The following ALK variants were observed in gnomAD, a reference collection of about 807,000 sequenced individuals.
ALK encodes ALK receptor tyrosine kinase.
Under a neutral mutation model 163.1 loss-of-function variants are expected in ALK, and 74 were observed. That is an observed-to-expected ratio of 0.45 (90% CI 0.38 to 0.55). The LOEUF is 0.55. ALK is among the 20% of genes least tolerant of loss of function. The pLI is 0.00. For synonymous variants in ALK, 960 were observed against 843.2 expected, an observed-to-expected ratio of 1.14 and a Z score of -2.40; for missense variants, 2,063 against 2,105.3, an observed-to-expected ratio of 0.98 and a Z score of 0.39.
Position 29,525,109 on chromosome 2 carries a change from T to C in ALK, c.1154+6806A>G, listed in dbSNP as rs1672922713. ...GTCCTTCTAGAGACAGAATAACAGATGTGTCAGGAGTATATCCACCTGTGG... is the reference window on the plus strand; with the variant it reads ...GTCCTTCTAGAGACAGAATAACAGACGTGTCAGGAGTATATCCACCTGTGG... On this transcript the variant is annotated intron_variant, in intron 4 of 28. Transcript: ENST00000389048. Among the ~76,000 whole-genome samples, 3 of 152,322 alleles carry C rather than the reference T, an allele frequency of 2.0e-5. No individual in the cohort carries two copies. In the South Asian group the frequency reaches 6.2e-4, roughly 32 times the overall value.
At chr2:29,501,450 T>G (rs1348776717) in intron 4 of ALK, among the ~76,000 whole-genome samples, 1 of 152,214 alleles carries the variant, frequency 6.6e-6, no homozygotes, top group South Asian at 2.1e-4. Context: ...TTCCATGTCC[T>G]TACTGGTTTG....
chr2:29,512,042 T>TGA (rs750214267), intron 4 of ALK, among the ~76,000 whole-genome samples: 144,093 of 152,062 alleles, frequency 0.95, 68,759 homozygotes, highest in East Asian at 1. Flanking sequence ...TTTGAATATT[T>TGA]AAAAGTTTTA....
In ALK at chr2:29,528,889, C is replaced by T. The variant is rs532635856; in HGVS notation, c.1154+3026G>A. Among the ~76,000 whole-genome samples the T allele has an allele frequency of 2.0e-5, 3 of 152,306 alleles. 1 individual carries two copies. The South Asian group carries it at 6.2e-4, about 32-fold the overall frequency. On this transcript the variant is annotated intron_variant, in intron 4 of 28. Transcript: ENST00000389048. Reference sequence around the variant, plus strand: ...TAGCCCCTATTTCTCTGCTTCCTTGCTTCTCTGGTCATTCTGGCCATGCAG... The same window carrying T: ...TAGCCCCTATTTCTCTGCTTCCTTGTTTCTCTGGTCATTCTGGCCATGCAG...
chr2:29,472,822 A>G (rs4368287), intron 4 of ALK, among the ~76,000 whole-genome samples: 10,732 of 152,080 alleles, frequency 0.071, 525 homozygotes, highest in Non-Finnish European at 0.11. Context: ...TGGCAAGAAT[A>G]CAAAGAAAAC....
intron 3 of ALK, among the ~76,000 whole-genome samples, chr2:29,670,827 T>C (rs966439950): frequency 6.6e-6 from 1 of 152,114 alleles, no homozygotes; most frequent in African/African-American, 2.4e-5. Context: ...TATTTCTCAG[T>C]TCTAAGGTTT....
intron 4 of ALK, among the ~76,000 whole-genome samples, chr2:29,396,835 G>GGTTTTTT (rs1669318427): frequency 2.8e-5 from 1 of 35,726 alleles, no homozygotes; most frequent in Non-Finnish European, 5.5e-5. Context: ...TTGTTACTAT[G>GGTTTTTT]GTTTTTTTTT....
chr2:29,583,235 C>T (rs1359388480), intron 3 of ALK, among the ~76,000 whole-genome samples: 1 of 152,108 alleles, frequency 6.6e-6, no homozygotes, highest in Non-Finnish European at 1.5e-5. Context: ...TTTGCTTCTG[C>T]TGTTATTTAC....
intron 5 of ALK, among the ~76,000 whole-genome samples, chr2:29,371,215 T>C (rs1364320875): frequency 2.6e-5 from 4 of 152,206 alleles, no homozygotes; most frequent in Non-Finnish European, 5.9e-5. Flanking sequence ...AAGGGCAAAA[T>C]AAAGTTCCAC....
chr2:29,736,107 T>C (rs555818204), intron 1 of ALK, among the ~76,000 whole-genome samples: 1 of 152,222 alleles, frequency 6.6e-6, no homozygotes, highest in Admixed American at 6.5e-5. Context: ...ATGATCAAAC[T>C]CTATATATGT....
chr2:29,712,839 TTTG>T (rs769736451), intron 2 of ALK, among the ~76,000 whole-genome samples: 2 of 152,182 alleles, frequency 1.3e-5, no homozygotes, highest in East Asian at 3.8e-4. Flanking sequence ...TAACAATTAT[TTTG>T]TTGTGCTTAG....
intron 1 of ALK, among the ~76,000 whole-genome samples, chr2:29,750,689 AAGGAAGGAAGGCAGGCAGGC>A (rs1680336629): frequency 8.6e-6 from 1 of 116,922 alleles, no homozygotes; most frequent in East Asian, 2.4e-4. Context: ...GGAAGGAAGG[AAGGAAGGAAGGCAGGCAGGC>A]AGGAAGGAAG....
In ALK at chr2:29,477,557, A is replaced by G. The variant is rs182335539; in HGVS notation, c.1154+54358T>C. Among the ~76,000 whole-genome samples, 476 of 152,058 alleles carry G rather than the reference A, an allele frequency of 3.1e-3. 2 individuals are homozygous for G. The highest frequency in any genetic ancestry group is 4.9e-3 in the Non-Finnish European group (333 of 67,970). On this transcript the variant is annotated intron_variant, in intron 4 of 28. Coordinates refer to ENST00000389048, the MANE Select transcript of ALK (RefSeq NM_004304.5). ...CAGAGGTGCTATATGATTCTTTATA[A>G]CCCAGAGTTGGTCCCAGATTTTAAA...
chr2:29,408,248 A>ATT (rs538076266), intron 4 of ALK, among the ~76,000 whole-genome samples: 459 of 141,082 alleles, frequency 3.3e-3, no homozygotes, highest in African/African-American at 0.011. Context: ...ACACCTGGCT[A>ATT]TTTTTTTTTT....
chr2:29,540,943 T>G (rs1673396444), intron 3 of ALK, among the ~76,000 whole-genome samples: 1 of 152,160 alleles, frequency 6.6e-6, no homozygotes. Context: ...CAGAAATATG[T>G]GTCAGATTGT....
intron 1 of ALK, among the ~76,000 whole-genome samples, chr2:29,749,000 C>T (rs1016195566): frequency 1.2e-4 from 18 of 152,156 alleles, no homozygotes; most frequent in African/African-American, 4.3e-4. Flanking sequence ...CTGCCTTGGC[C>T]TCCCAAAGTA....
chr2:29,302,130 G>A (rs1489959681), intron 8 of ALK, among the ~76,000 whole-genome samples: 1 of 152,188 alleles, frequency 6.6e-6, no homozygotes, highest in Non-Finnish European at 1.5e-5. Flanking sequence ...CAAGATAATC[G>A]AGGCAAGACA....
intron 4 of ALK, among the ~76,000 whole-genome samples, chr2:29,441,788 T>C (rs1226319813): frequency 2.0e-5 from 3 of 152,140 alleles, no homozygotes; most frequent in African/African-American, 4.8e-5. Flanking sequence ...TCTTTCCAAA[T>C]TGGCAGGAAC....
chr2:29,398,722 G>C, intron 4 of ALK, among the ~76,000 whole-genome samples: 1 of 152,138 alleles, frequency 6.6e-6, no homozygotes, highest in Middle Eastern at 3.4e-3. Context: ...AGCATTCTCC[G>C]AGGTCAGAGG....
intron 4 of ALK, among the ~76,000 whole-genome samples, chr2:29,515,535 C>T (rs1366221965): frequency 6.6e-6 from 1 of 151,938 alleles, no homozygotes; most frequent in East Asian, 1.9e-4. Flanking sequence ...TAGGGGTGAT[C>T]CATGGGGTAA....
Sources: gnomAD v4.1 joint callset for allele counts (sites outside exome capture counted in the v4.1 genomes callset) on GRCh38, gnomAD v4.1.1 for gene constraint, MANE v1.5 for transcripts, NCBI Gene and HGNC (gene_info 2026-07-23, HGNC 2026-07-21) for gene names.